Variants in THBS2 observed in about 807,000 individuals in gnomAD.
THBS2 encodes the protein thrombospondin-2.
A neutral mutation model predicts 135.2 loss-of-function variants in THBS2; 47 were observed. The observed-to-expected ratio is 0.35, with a 90% CI of 0.28 to 0.44. The LOEUF is 0.44. Ranked by LOEUF, THBS2 falls within the 20% of genes least tolerant of loss-of-function variation. The probability of loss-of-function intolerance (pLI) is 1.00; values close to 1 mark genes in which losing one functional copy is unlikely to be tolerated. For missense variants in THBS2, 1,288 were observed against 1,603.1 expected (o/e 0.80, Z 3.36); for synonymous variants, 639 against 633.8 (o/e 1.01, Z -0.12).
chr6:169,227,665 G>C (rs1779685819), intron 15 of THBS2, among the ~76,000 whole-genome samples: 1 of 152,194 alleles, frequency 6.6e-6, no homozygotes, highest in Admixed American at 6.5e-5. Context: ...GAATAAGCAT[G>C]GGTCCCTATG....
chr6:169,248,632 C>T lies in THBS2; in HGVS notation c.394G>A (p.Gly132Ser). 5 of 1,614,066 alleles carry T rather than the reference C, an allele frequency of 3.1e-6. No homozygotes were observed. The highest frequency in any genetic ancestry group is 2.2e-5 in the East Asian group (1 of 44,840). Residue 132 changes from glycine (G) to serine (S), a missense_variant, in exon 3 of 22, where the codon GGC becomes AGC. Around this residue, in one of 2 missense-constraint regions of THBS2, gnomAD observed 414 missense variants for 447.0 expected, o/e 0.93. Transcript: ENST00000617924. Reference sequence around the variant, plus strand: ...TCCAGGGAGACCACATGCCGGGTGCCGTCAATCCAGTAGGTGAGATCCAGC... The same window carrying T: ...TCCAGGGAGACCACATGCCGGGTGCTGTCAATCCAGTAGGTGAGATCCAGC... The part of the protein sequence containing the change: ...DTLDLTYWID[G>S]TRHVVSLEDV...
At chr6:169,219,408 GATGAGATATATGGGTGGGTGGATGA>G (rs1164996935) in intron 21 of THBS2, among the ~76,000 whole-genome samples, 7 of 152,022 alleles carry the variant, frequency 4.6e-5, no homozygotes, top group African/African-American at 1.7e-4. Context: ...TGGGTGGATG[GATGAGATATATGGGTGGGTGGATGA>G]ATGATATGGA....
chr6:169,233,690 ACTAC>A (rs1320722432), intron 10 of THBS2, among the ~76,000 whole-genome samples: 1 of 137,714 alleles, frequency 7.3e-6, no homozygotes, highest in East Asian at 2.2e-4. Flanking sequence ...ACACCACACA[ACTAC>A]CTATGTGCCA....
chr6:169,222,700 C>T (rs1383052932), intron 18 of THBS2, among the ~76,000 whole-genome samples: 1 of 150,262 alleles, frequency 6.7e-6, no homozygotes, highest in Non-Finnish European at 1.5e-5. Context: ...GAGGCTGAGG[C>T]AGGAGAATCA....
chr6:169,239,651 G>T lies in THBS2; in HGVS notation c.1077C>A (p.Thr359=), dbSNP rs6925000. ...CTTCCACAAAGGATGGACTGGCGCA[G>T]GTTGCAGGCGGGCAGGTGATTTGGT... The part of the protein sequence containing the change: ...ICHQITCPPA[T]CASPSFVEGE... Residue 359 remains threonine (T), a synonymous_variant, in exon 7 of 22, where the codon ACC becomes ACA. Transcript: ENST00000617924. 6,065 of 1,606,298 alleles carry T rather than the reference G, an allele frequency of 3.8e-3. 228 individuals are homozygous for T. In the African/African-American group the frequency reaches 0.074, roughly 19 times the overall value.
intron 10 of THBS2, chr6:169,234,481 A>T: frequency 2.3e-6 from 1 of 436,586 alleles, no homozygotes; most frequent in Non-Finnish European, 4.1e-6. Flanking sequence ...ACACCACACA[A>T]TTACCCACAC....
At position 169,247,235 on chromosome 6, in the gene THBS2, C is replaced by T. The variant is rs532570811; in HGVS notation, c.610-954G>A. ...TCTGATTAATCGTGGTTTAGAAAGG[C>T]GTGCGTTGTGTGTGTGTGCGCTTGT... On this transcript the variant is annotated intron_variant, in intron 3 of 21. Transcript: ENST00000617924. Among the ~76,000 whole-genome samples, 8 of 152,200 alleles carry T rather than the reference C, an allele frequency of 5.3e-5. No individual in the cohort carries two copies. The South Asian group carries it at 1.2e-3, about 24-fold the overall frequency.
At chr6:169,225,480 G>T in intron 16 of THBS2, 101 bp from the exon 17 acceptor site, 1 of 1,226,500 alleles carries the variant, frequency 8.2e-7, no homozygotes, top group Non-Finnish European at 1.2e-6. Context: ...TCCTCGTCCT[G>T]CAGCACAAGC....
chr6:169,238,412 C>T (rs1348305362), intron 7 of THBS2, among the ~76,000 whole-genome samples: 1 of 152,168 alleles, frequency 6.6e-6, no homozygotes, highest in Non-Finnish European at 1.5e-5. Flanking sequence ...TGCGCCATGA[C>T]TCAGTGTTCT....
At chr6:169,224,851 G>A (rs765585777) in intron 17 of THBS2, among the ~76,000 whole-genome samples, 44 of 152,122 alleles carry the variant, frequency 2.9e-4, no homozygotes, top group Non-Finnish European at 1.8e-4. Flanking sequence ...ATTCTTTCTA[G>A]GAGATCGTCA....
chr6:169,237,805 G>A lies in THBS2; in HGVS notation c.1130-10C>T, dbSNP rs778270519. 3.2e-5 allele frequency: 51 copies of A among 1,606,580 alleles called. No individual in the cohort carries two copies. The highest frequency in any genetic ancestry group is 3.3e-5 in the South Asian group (3 of 90,976). ...TCCTCACCGTCCACCGCTGCCAGAG[G>A]AAGCAAACACGGTGGCATCAGGCCC... is the stretch of plus-strand genomic sequence containing the variant. On this transcript the variant is annotated splice_polypyrimidine_tract_variant and intron_variant, in intron 7 of 21. Transcript: ENST00000617924.
intron 18 of THBS2, among the ~76,000 whole-genome samples, 177 bp from the exon 19 acceptor site, chr6:169,222,645 AT>A (rs1253500719): frequency 2.0e-5 from 3 of 152,048 alleles, no homozygotes; most frequent in African/African-American, 7.2e-5. Context: ...AAATGCAAAA[AT>A]TAGCCGGGCA....
chr6:169,221,394 C>T (rs1554244496), intron 20 of THBS2, 36 bp downstream of exon 20: 9 of 1,589,628 alleles, frequency 5.7e-6, no homozygotes, highest in Admixed American at 1.7e-5. Flanking sequence ...TGGGAAGCCC[C>T]TTGGAAGAAA....
At chr6:169,221,339 T>C in intron 20 of THBS2, 91 bp downstream of exon 20, 2 of 1,168,444 alleles carry the variant, frequency 1.7e-6, no homozygotes, top group Admixed American at 3.7e-5. Flanking sequence ...AAGTTAGAAT[T>C]CACTTGAGCT....
intron 14 of THBS2, 135 bp from the exon 15 acceptor site, chr6:169,228,416 G>C (rs1302472076): frequency 2.6e-6 from 3 of 1,136,592 alleles, no homozygotes; most frequent in Non-Finnish European, 2.5e-6. Context: ...AGCCAGTTAG[G>C]GCTGGACGGT....
At position 169,225,459 on chromosome 6, in the gene THBS2, G is replaced by T. The variant is rs1047951328; in HGVS notation, c.2539-80C>A. ...AGAGGAACCAGCAGGACGCAAGCCT[G>T]AGAGCCGGCCTCCTCGTCCTGCAGC... On this transcript the variant is annotated intron_variant, in intron 16 of 21. Transcript: ENST00000617924. 1.9e-5 allele frequency: 26 copies of T among 1,400,320 alleles called. No individual in the cohort carries two copies. In the Middle Eastern group the frequency reaches 5.5e-4, roughly 30 times the overall value. 86.7% of individuals were successfully genotyped at this position (1,400,320 alleles called of 1,614,324 possible).
intron 4 of THBS2, among the ~76,000 whole-genome samples, chr6:169,242,497 TCAAA>T (rs919951174): frequency 2.0e-5 from 3 of 151,996 alleles, no homozygotes; most frequent in African/African-American, 7.2e-5. Flanking sequence ...ATCCTCTTGC[TCAAA>T]CAGCCAGTCC....
At chr6:169,240,669 A>G (rs1168932612) in intron 5 of THBS2, 77 bp from the exon 6 acceptor site, 18 of 1,528,628 alleles carry the variant, frequency 1.2e-5, no homozygotes, top group Admixed American at 3.8e-5. Context: ...GATGAAAAAC[A>G]AAGTTCCTCC....
chr6:169,237,546 C>A, intron 8 of THBS2, 79 bp downstream of exon 8: 1 of 1,593,038 alleles, frequency 6.3e-7, no homozygotes. Flanking sequence ...CAGCTCTGTC[C>A]CTTGCAAAGG....
Sources: gnomAD v4.1 joint callset for allele counts (sites outside exome capture counted in the v4.1 genomes callset) on GRCh38, gnomAD v4.1.1 for gene constraint, gnomAD v4.1.1 regional missense constraint, MANE v1.5 for transcripts, NCBI Gene and HGNC (gene_info 2026-07-23, HGNC 2026-07-21) for gene names.